Variants in CYP27C1 observed in about 807,000 individuals in gnomAD.
CYP27C1 encodes the protein cytochrome P450 family 27 subfamily C member 1.
CYP27C1 carries 29 observed loss-of-function variants against 40.6 expected under a neutral mutation model. The ratio of observed to expected loss-of-function variants is 0.71; its 90% CI spans 0.53 to 0.97. The LOEUF is 0.97. CYP27C1 is among the 50% of genes least tolerant of loss of function. CYP27C1 has a pLI of 0.00. For synonymous variants in CYP27C1, 198 were observed against 186.8 expected (o/e 1.06, Z -0.49); for missense variants, 390 against 485.8 (o/e 0.80, Z 1.85).
In CYP27C1 at chr2:127,200,719, T is replaced by C. The variant is rs949085257; in HGVS notation, c.883+403A>G. Among the ~76,000 whole-genome samples the C allele has an allele frequency of 6.6e-6, 1 of 152,090 alleles. No homozygotes were observed. Among genetic ancestry groups the C allele is most frequent in the Admixed American group, 6.5e-5 (1 of 15,268 alleles). On this transcript the variant is annotated intron_variant, in intron 4 of 8. Coordinates refer to ENST00000664447, the MANE Select transcript of CYP27C1 (RefSeq NM_001367502.1). The surrounding 1 kb of genome is among the most constrained non-coding windows in gnomAD (Gnocchi z 4.2). Reference sequence around the variant, plus strand: ...GCTCACACTTGTAATCCCAGCACTTTAGGAGGTCAAGGTGGGTGATCACCT... The same window carrying C: ...GCTCACACTTGTAATCCCAGCACTTCAGGAGGTCAAGGTGGGTGATCACCT...
chr2:127,210,989 T>C (rs1322528228), intron 1 of CYP27C1, among the ~76,000 whole-genome samples: 1 of 152,210 alleles, frequency 6.6e-6, no homozygotes, highest in Non-Finnish European at 1.5e-5. Flanking sequence ...TACTCAGTAC[T>C]TGAACTCAGC....
Position 127,204,454 on chromosome 2 carries a change from AAG to A in CYP27C1, c.474-885_474-884del, listed in dbSNP as rs1348399134. Among the ~76,000 whole-genome samples the A allele has an allele frequency of 4.8e-3, 210 of 43,972 alleles. 16 individuals carry two copies. Among genetic ancestry groups the A allele is most frequent in the Non-Finnish European group, 6.7e-3 (147 of 22,104 alleles). 28.8% of individuals were successfully genotyped at this position (43,972 alleles called of 152,430 possible). On this transcript the variant is annotated intron_variant, in intron 2 of 8. Coordinates refer to ENST00000664447, the MANE Select transcript of CYP27C1 (RefSeq NM_001367502.1). ...GGAAAGAAAGAAAAAGAAAGAAAGAAAGAAAGAAAGAAAGAAAGAAAGAAAGA... is the reference window on the plus strand; with the variant it reads ...GGAAAGAAAGAAAAAGAAAGAAAGAAAAAGAAAGAAAGAAAGAAAGAAAGA...
intron 1 of CYP27C1, among the ~76,000 whole-genome samples, chr2:127,207,305 G>A (rs935044122): frequency 2.6e-5 from 4 of 152,164 alleles, no homozygotes; most frequent in African/African-American, 9.7e-5. Context: ...GACCAGCCTA[G>A]CCAACATGGT....
At chr2:127,194,978 T>C (rs772092592) in intron 6 of CYP27C1, among the ~76,000 whole-genome samples, 2 of 151,926 alleles carry the variant, frequency 1.3e-5, no homozygotes, top group Non-Finnish European at 2.9e-5. Context: ...TACAGGTGCC[T>C]ACCACCACGC....
intron 1 of CYP27C1, among the ~76,000 whole-genome samples, chr2:127,215,988 G>A (rs1683423804): frequency 6.6e-6 from 1 of 152,184 alleles, no homozygotes; most frequent in African/African-American, 2.4e-5. Context: ...ATCAGGGAGA[G>A]ATAGCACTTC....
chr2:127,214,538 A>G (rs948944842), intron 1 of CYP27C1, among the ~76,000 whole-genome samples: 3 of 152,178 alleles, frequency 2.0e-5, no homozygotes, highest in African/African-American at 7.2e-5. Context: ...ATGAAGCTGG[A>G]AGCAATCATC....
At chr2:127,198,162 C>T (rs574562388) in intron 5 of CYP27C1, among the ~76,000 whole-genome samples, 2 of 148,492 alleles carry the variant, frequency 1.3e-5, no homozygotes, top group Admixed American at 1.4e-4. Flanking sequence ...TGCTACTGGG[C>T]TCCATTCACA....
Position 127,185,215 on chromosome 2 carries a change from C to T in CYP27C1, c.*2056G>A, listed in dbSNP as rs13413852. 0.14 allele frequency: 20,759 copies of T among 152,310 alleles called. 1,782 individuals carry two copies. The highest frequency in any genetic ancestry group is 0.23 in the African/African-American group (9,675 of 41,474). 9.4% of individuals were successfully genotyped at this position (152,310 alleles called of 1,614,324 possible). ...TCCAGCTGAATCTCCATTTCTTTGG[C>T]GTGGATGCTTCCTGGGTGGCGCCCT... On this transcript the variant is annotated 3_prime_UTR_variant, in exon 9 of 9. Transcript: ENST00000664447. This position sits in a 1 kb window ranked among gnomAD's most constrained non-coding sequence, Gnocchi z 4.9.
chr2:127,197,661 G>A (rs182699584), intron 5 of CYP27C1, among the ~76,000 whole-genome samples: 2 of 152,210 alleles, frequency 1.3e-5, no homozygotes, highest in East Asian at 1.9e-4. Context: ...ACCCCAGCCC[G>A]CAGCTTCCCC....
At chr2:127,213,683 T>C (rs1683376169) in intron 1 of CYP27C1, among the ~76,000 whole-genome samples, 1 of 152,182 alleles carries the variant, frequency 6.6e-6, no homozygotes, top group South Asian at 2.1e-4. Flanking sequence ...AATTAAAGAC[T>C]TAAATGTAAA....
chr2:127,215,123 C>A, intron 1 of CYP27C1, among the ~76,000 whole-genome samples: 1 of 82,830 alleles, frequency 1.2e-5, no homozygotes, highest in Admixed American at 1.6e-4. Flanking sequence ...AGTGAGACTC[C>A]ATCTCAAAAA....
At chr2:127,204,440 A>AAG (rs1553503225) in intron 2 of CYP27C1, among the ~76,000 whole-genome samples, 1 of 41,328 alleles carries the variant, frequency 2.4e-5, no homozygotes, top group East Asian at 2.2e-3. Context: ...GAAAGAAAGA[A>AAG]AAAGAAAGAA....
intron 8 of CYP27C1, among the ~76,000 whole-genome samples, chr2:127,190,620 G>T (rs1220542836): frequency 6.7e-6 from 1 of 150,018 alleles, no homozygotes; most frequent in Non-Finnish European, 1.5e-5. Flanking sequence ...GATTACAGGT[G>T]TGAGCCACAG....
chr2:127,203,693 G>A (rs1302794598), intron 2 of CYP27C1, 122 bp from the exon 3 acceptor site: 3 of 980,580 alleles, frequency 3.1e-6, no homozygotes, highest in East Asian at 2.6e-5. Flanking sequence ...CAACAAAGTA[G>A]AATTAAGACA....
In CYP27C1 at chr2:127,203,644, AG is replaced by A. The variant is rs922090861; in HGVS notation, c.474-74del. ...CTGGGAAAGAATTCAAGGAACCTCT[AG>A]AAAAAATTTCAGCCATAAAGAATCA... is the stretch of plus-strand genomic sequence containing the variant. On this transcript the variant is annotated intron_variant, in intron 2 of 8. Coordinates refer to ENST00000664447, the MANE Select transcript of CYP27C1 (RefSeq NM_001367502.1). 2.7e-6 allele frequency: 4 copies of A among 1,507,860 alleles called. No individual in the cohort carries two copies. In the African/African-American group the frequency reaches 4.2e-5, roughly 16 times the overall value. 93.4% of individuals were successfully genotyped at this position (1,507,860 alleles called of 1,614,324 possible). A position where few individuals can be genotyped will look rare whatever the true frequency, so the allele number is the denominator to read the frequency against.
At chr2:127,187,444 G>A (rs1573887715) in intron 8 of CYP27C1, 57 bp from the exon 9 acceptor site, 6 of 1,462,026 alleles carry the variant, frequency 4.1e-6, no homozygotes, top group Non-Finnish European at 5.7e-6. Context: ...AATTCTCAGT[G>A]CTCCCTGAAT....
intron 5 of CYP27C1, among the ~76,000 whole-genome samples, chr2:127,197,979 C>T (rs1682942761): frequency 6.6e-6 from 1 of 152,100 alleles, no homozygotes; most frequent in South Asian, 2.1e-4. Flanking sequence ...CAGATGCACA[C>T]AGCCGGGAGG....
chr2:127,193,724 T>G (rs1221506143), intron 7 of CYP27C1, 65 bp downstream of exon 7: 15 of 1,551,748 alleles, frequency 9.7e-6, no homozygotes, highest in Non-Finnish European at 1.2e-5. Context: ...TTCCTGAAGG[T>G]AGAAGCAGAT....
At chr2:127,204,123 G>A (rs992551171) in intron 2 of CYP27C1, among the ~76,000 whole-genome samples, 33 of 151,378 alleles carry the variant, frequency 2.2e-4, no homozygotes, top group African/African-American at 8.0e-4. Context: ...AAATTTAGCC[G>A]GGTGTGGTGG....
Sources: allele counts gnomAD v4.1 joint callset (sites outside exome capture counted in the v4.1 genomes callset), GRCh38; gene constraint gnomAD v4.1.1; non-coding constraint Gnocchi (gnomAD v3.1); transcripts MANE v1.5; gene names NCBI Gene and HGNC (gene_info 2026-07-23, HGNC 2026-07-21).